The following SOX6 variants were observed in gnomAD, a reference collection of about 807,000 sequenced individuals.
SOX6 encodes transcription factor SOX-6.
SOX6 carries 11 observed loss-of-function variants against 97.8 expected under a neutral mutation model. The ratio of observed to expected loss-of-function variants is 0.11; its 90% CI spans 0.07 to 0.19. The LOEUF (loss-of-function observed/expected upper bound fraction) is 0.19, where lower values mean the gene tolerates loss of function less well. Ranked by LOEUF, SOX6 falls within the 10% of genes least tolerant of loss-of-function variation. SOX6 has a pLI of 1.00. For synonymous variants in SOX6, 360 were observed against 371.4 expected (o/e 0.97, Z 0.35); for missense variants, 810 against 1,039.5 (o/e 0.78, Z 3.04).
intron 12 of SOX6, among the ~76,000 whole-genome samples, chr11:16,018,841 TCAAA>T (rs1218479258): frequency 6.6e-6 from 1 of 152,042 alleles, no homozygotes; most frequent in Non-Finnish European, 1.5e-5. Context: ...GATCACTCCA[TCAAA>T]CAGAGGCAGT....
intron 3 of SOX6, among the ~76,000 whole-genome samples, chr11:16,279,304 A>T (rs1308569253): frequency 6.6e-6 from 1 of 152,148 alleles, no homozygotes; most frequent in Non-Finnish European, 1.5e-5. Flanking sequence ...TTTTTGGATC[A>T]TATCAAGACT....
At chr11:16,215,362 A>G (rs141184566) in intron 4 of SOX6, among the ~76,000 whole-genome samples, 144 of 152,334 alleles carry the variant, frequency 9.5e-4, no homozygotes, top group African/African-American at 3.3e-3. Context: ...ACTATTTCTC[A>G]AAGTTTTAAT....
At chr11:16,452,298 C>G (rs1001546922) in intron 1 of SOX6, among the ~76,000 whole-genome samples, 28 of 152,112 alleles carry the variant, frequency 1.8e-4, no homozygotes, top group African/African-American at 6.5e-4. Context: ...GGGGAGGCAG[C>G]CTTTGTTCTT....
chr11:16,426,743 T>C (rs1859146731), intron 1 of SOX6, among the ~76,000 whole-genome samples: 1 of 150,586 alleles, frequency 6.6e-6, no homozygotes, highest in Non-Finnish European at 1.5e-5. Context: ...TGAAACCCCG[T>C]CTCTACTAAA....
chr11:16,127,504 C>T (rs898163521), intron 6 of SOX6, among the ~76,000 whole-genome samples: 10 of 151,920 alleles, frequency 6.6e-5, no homozygotes, highest in African/African-American at 2.4e-4. Flanking sequence ...AAAACAGATG[C>T]TATAACTCAA....
chr11:15,968,182 AG>A lies in SOX6; in HGVS notation c.*4626del, dbSNP rs1853196248. On this transcript the variant is annotated 3_prime_UTR_variant, in exon 16 of 16. Coordinates refer to ENST00000683767, the MANE Select transcript of SOX6 (RefSeq NM_001367873.1). ...GAAATGATGCAAGTGCTTTTGTGAA[AG>A]GACAAATGAGGTCATACAATATTAT... The A allele has an allele frequency of 6.6e-6, 1 of 152,194 alleles. No homozygotes were observed. Among genetic ancestry groups the A allele is most frequent in the Admixed American group, 6.5e-5 (1 of 15,284 alleles). 9.4% of individuals were successfully genotyped at this position (152,194 alleles called of 1,614,324 possible). A position where few individuals can be genotyped will look rare whatever the true frequency, so the allele number is the denominator to read the frequency against.
intron 6 of SOX6, among the ~76,000 whole-genome samples, chr11:16,117,611 G>A (rs1849383650): frequency 6.6e-6 from 1 of 152,174 alleles, no homozygotes; most frequent in African/African-American, 2.4e-5. Flanking sequence ...AAAAGACAAG[G>A]AAAGAGGCTT....
At chr11:16,223,290 T>A (rs1311659320) in intron 4 of SOX6, among the ~76,000 whole-genome samples, 1 of 152,156 alleles carries the variant, frequency 6.6e-6, no homozygotes, top group Non-Finnish European at 1.5e-5. Context: ...GTTTATGTCC[T>A]CGGAGGCATT....
chr11:16,495,746 A>G (rs949460080), intron 4 of SOX6, among the ~76,000 whole-genome samples: 4 of 152,112 alleles, frequency 2.6e-5, no homozygotes, highest in African/African-American at 7.2e-5. Context: ...CACTCCTGAC[A>G]CCCAAGAAGC....
At chr11:16,287,911 G>A (rs1429461966) in intron 3 of SOX6, among the ~76,000 whole-genome samples, 1 of 152,106 alleles carries the variant, frequency 6.6e-6, no homozygotes, top group Non-Finnish European at 1.5e-5. Context: ...AGAAAGATGG[G>A]TTGTAAATGA....
At chr11:16,152,549 C>G (rs775508547) in intron 6 of SOX6, among the ~76,000 whole-genome samples, 2 of 152,172 alleles carry the variant, frequency 1.3e-5, no homozygotes, top group Admixed American at 6.5e-5. Context: ...ACACCCTTTA[C>G]CATTAATACA....
chr11:16,690,772 A>T (rs1848007210), intron 3 of SOX6, among the ~76,000 whole-genome samples: 1 of 152,250 alleles, frequency 6.6e-6, no homozygotes, highest in Non-Finnish European at 1.5e-5. Flanking sequence ...GTAAAGTGGG[A>T]ATAATAATTT....
At chr11:16,639,662 A>C (rs1848860922) in intron 3 of SOX6, among the ~76,000 whole-genome samples, 1 of 151,996 alleles carries the variant, frequency 6.6e-6, no homozygotes, top group Non-Finnish European at 1.5e-5. Flanking sequence ...TAGGTATTTT[A>C]TTCTCTTTGA....
chr11:16,641,701 C>T (rs545324639), intron 3 of SOX6, among the ~76,000 whole-genome samples: 24 of 152,266 alleles, frequency 1.6e-4, no homozygotes, highest in African/African-American at 5.8e-4. Context: ...GGTTTAAAGT[C>T]TGTTTTATCA....
At chr11:16,388,611 T>A (rs1314241469) in intron 1 of SOX6, among the ~76,000 whole-genome samples, 2 of 152,126 alleles carry the variant, frequency 1.3e-5, no homozygotes, top group Non-Finnish European at 2.9e-5. Context: ...AGTTTTTTTC[T>A]AAGAAATTTG....
intron 3 of SOX6, among the ~76,000 whole-genome samples, chr11:16,700,066 C>T (rs533081504): frequency 5.3e-5 from 8 of 152,044 alleles, no homozygotes; most frequent in Non-Finnish European, 1.0e-4. Context: ...ATCAGAAATA[C>T]AGCATGTACA....
At chr11:16,108,927 C>T in intron 7 of SOX6, among the ~76,000 whole-genome samples, 1 of 152,120 alleles carries the variant, frequency 6.6e-6, no homozygotes, top group East Asian at 1.9e-4. Context: ...ATGAATGTCA[C>T]CCCAAGGTAG....
chr11:16,371,805 G>A (rs1193076951), intron 1 of SOX6, among the ~76,000 whole-genome samples: 3 of 152,062 alleles, frequency 2.0e-5, no homozygotes, highest in Non-Finnish European at 4.4e-5. Context: ...AGTCACTTGA[G>A]ATCAGGTGTA....
At chr11:16,457,462 A>C in intron 1 of SOX6, among the ~76,000 whole-genome samples, 1 of 152,092 alleles carries the variant, frequency 6.6e-6, no homozygotes, top group East Asian at 1.9e-4. Flanking sequence ...AAACAAAAGA[A>C]ACTAATAGTT....
Sources: gnomAD v4.1 joint callset for allele counts (sites outside exome capture counted in the v4.1 genomes callset) on GRCh38, gnomAD v4.1.1 for gene constraint, MANE v1.5 for transcripts, NCBI Gene and HGNC (gene_info 2026-07-23, HGNC 2026-07-21) for gene names.